The following CEP57L1 variants were observed in gnomAD, a reference collection of about 807,000 sequenced individuals.
CEP57L1 encodes the protein centrosomal protein 57 like 1.
In CEP57L1, 37 loss-of-function variants were observed where a neutral mutation model predicts 61.0. The observed-to-expected ratio is 0.61, with a 90% CI of 0.47 to 0.80. CEP57L1 has a LOEUF of 0.80. CEP57L1 is among the 30% of genes least tolerant of loss of function. The probability of loss-of-function intolerance (pLI) is 0.00; values close to 1 mark genes in which losing one functional copy is unlikely to be tolerated. For missense variants in CEP57L1, 422 were observed against 524.7 expected, an observed-to-expected ratio of 0.80 and a Z score of 1.91; for synonymous variants, 137 against 162.3, an observed-to-expected ratio of 0.84 and a Z score of 1.19.
chr6:109,148,121 T>C (rs1772164723), intron 3 of CEP57L1, among the ~76,000 whole-genome samples: 2 of 152,102 alleles, frequency 1.3e-5, no homozygotes, highest in Non-Finnish European at 2.9e-5. Context: ...TTTTATTTTA[T>C]TTTATTATTA....
chr6:109,100,803 A>G (rs2114548586), intron 1 of CEP57L1, among the ~76,000 whole-genome samples: 1 of 151,728 alleles, frequency 6.6e-6, no homozygotes, highest in Middle Eastern at 3.4e-3. Flanking sequence ...CAGAGTTCTT[A>G]TATTCATAAT....
Position 109,114,475 on chromosome 6 carries a change from C to A in CEP57L1, c.-4+18900C>A, listed in dbSNP as rs182374650. 9.9e-5 allele frequency among the ~76,000 whole-genome samples: 15 copies of A among 151,198 alleles called. No individual in the cohort carries two copies. The East Asian group carries it at 2.9e-3, about 29-fold the overall frequency. On this transcript the variant is annotated intron_variant, in intron 1 of 10. Coordinates refer to ENST00000517392, the MANE Select transcript of CEP57L1 (RefSeq NM_001271852.3). The stretch of plus-strand genomic sequence containing the variant: ...TGTTAGCCCCTCATGTATATAGAAA[C>A]AACAGAATACTGTTTAGCCTTTAAA...
Position 109,171,111 on chromosome 6 carries a change from T to TGGTTCTTTTAC in CEP57L1, c.*8141_*8142insGGTTCTTTTAC, listed in dbSNP as rs1562166044. 6.6e-5 allele frequency among the ~76,000 whole-genome samples: 10 copies of TGGTTCTTTTAC among 152,124 alleles called. No individual in the cohort carries two copies. The highest frequency in any genetic ancestry group is 2.2e-4 in the African/African-American group (9 of 41,394). ...CCAAAATTTCAAACAGGTTCTTTTT[T>TGGTTCTTTTAC]CTTTGTTCTTTTACAGAATGGCTCT... On this transcript the variant is annotated 3_prime_UTR_variant, in exon 11 of 11. Coordinates refer to ENST00000517392, the MANE Select transcript of CEP57L1 (RefSeq NM_001271852.3).
intron 6 of CEP57L1, 51 bp from the exon 7 acceptor site, chr6:109,155,740 G>A: frequency 1.1e-6 from 1 of 921,688 alleles, no homozygotes; most frequent in Non-Finnish European, 1.7e-6. Context: ...TCATTACAGT[G>A]TTTTTGCATG....
In CEP57L1 at chr6:109,173,581, C is replaced by T. The variant is rs1774502540; in HGVS notation, c.*10611C>T. 6.7e-6 allele frequency among the ~76,000 whole-genome samples: 1 copy of T among 149,216 alleles called. No individual in the cohort carries two copies. The highest frequency in any genetic ancestry group is 2.5e-5 in the African/African-American group (1 of 40,476). ...CTGGGACTACAGGTGCATGCCACCA[C>T]ACCTGGCTAATTAAAAAAAAAAAAA... is the stretch of plus-strand genomic sequence containing the variant. On this transcript the variant is annotated 3_prime_UTR_variant, in exon 11 of 11. Coordinates refer to ENST00000517392, the MANE Select transcript of CEP57L1 (RefSeq NM_001271852.3).
At position 109,140,069 on chromosome 6, in the gene CEP57L1, T is replaced by C. The variant is rs1771179308; in HGVS notation, c.-3-5150T>C. ...TGAATCTGGATATAACTGCTTTTCA[T>C]TGATTATTACTAAGATTTATTTATT... On this transcript the variant is annotated intron_variant, in intron 1 of 10. Transcript: ENST00000517392. 2.6e-5 allele frequency among the ~76,000 whole-genome samples: 4 copies of C among 152,180 alleles called. No individual in the cohort carries two copies. The East Asian group carries it at 7.7e-4, about 29-fold the overall frequency.
At chr6:109,109,256 G>T (rs559730760) in intron 1 of CEP57L1, among the ~76,000 whole-genome samples, 2 of 152,200 alleles carry the variant, frequency 1.3e-5, no homozygotes, top group South Asian at 4.1e-4. Context: ...GGTTTCTGTT[G>T]TACATAAATT....
intron 1 of CEP57L1, among the ~76,000 whole-genome samples, chr6:109,112,269 G>A (rs984646126): frequency 5.9e-5 from 9 of 152,106 alleles, no homozygotes; most frequent in Non-Finnish European, 1.0e-4. Context: ...TATGTGCCCC[G>A]GAATTTATCC....
intron 1 of CEP57L1, among the ~76,000 whole-genome samples, chr6:109,139,177 G>C (rs1226740426): frequency 6.6e-6 from 1 of 152,242 alleles, no homozygotes; most frequent in East Asian, 1.9e-4. Context: ...AGCGTCTACA[G>C]TGTGGAAATG....
At chr6:109,099,580 G>T (rs1406455185) in intron 1 of CEP57L1, among the ~76,000 whole-genome samples, 1 of 151,624 alleles carries the variant, frequency 6.6e-6, no homozygotes, top group Non-Finnish European at 1.5e-5. Context: ...AGGAGTTTTT[G>T]CTCTTGTTGC....
chr6:109,127,035 G>A lies in CEP57L1; in HGVS notation c.-3-18184G>A, dbSNP rs141816344. On this transcript the variant is annotated intron_variant, in intron 1 of 10. Coordinates refer to ENST00000517392, the MANE Select transcript of CEP57L1 (RefSeq NM_001271852.3). Reference sequence around the variant, plus strand: ...ACAAAAATTAGCTGGGCACGGTGGCGCACGCCTGTAGTCTCAGTTACTTGG... The same window carrying A: ...ACAAAAATTAGCTGGGCACGGTGGCACACGCCTGTAGTCTCAGTTACTTGG... Among the ~76,000 whole-genome samples the A allele has an allele frequency of 8.5e-3, 1,299 of 152,108 alleles. 23 individuals carry two copies. Among genetic ancestry groups the A allele is most frequent in the African/African-American group, 0.029 (1,208 of 41,480 alleles).
chr6:109,136,009 A>G (rs1335862426), intron 1 of CEP57L1, among the ~76,000 whole-genome samples: 3 of 152,198 alleles, frequency 2.0e-5, no homozygotes, highest in African/African-American at 7.2e-5. Context: ...CAGTGTGGGG[A>G]TTCCTCAGGG....
At chr6:109,158,400 A>C in intron 7 of CEP57L1, 1 of 286,816 alleles carries the variant, frequency 3.5e-6, no homozygotes, top group South Asian at 3.1e-5. Flanking sequence ...AAAGCAGGAG[A>C]ATCGCTTGAG....
chr6:109,137,741 G>C (rs1373658207), intron 1 of CEP57L1, among the ~76,000 whole-genome samples: 1 of 152,182 alleles, frequency 6.6e-6, no homozygotes, highest in African/African-American at 2.4e-5. Flanking sequence ...AGGCATTATG[G>C]ATAGAGTGGG....
At chr6:109,148,738 A>G (rs565549510) in intron 3 of CEP57L1, among the ~76,000 whole-genome samples, 4,408 of 151,940 alleles carry the variant, frequency 0.029, 89 homozygotes, top group Middle Eastern at 0.048. Flanking sequence ...CCCACCAACA[A>G]TGTAAAAGTG....
At chr6:109,126,920 C>T (rs2114733605) in intron 1 of CEP57L1, among the ~76,000 whole-genome samples, 1 of 152,264 alleles carries the variant, frequency 6.6e-6, no homozygotes. Context: ...GTAATCCCAG[C>T]ACTTTGGGAG....
At chr6:109,100,672 C>CAAAAAAAA (rs539993641) in intron 1 of CEP57L1, among the ~76,000 whole-genome samples, 4 of 73,964 alleles carry the variant, frequency 5.4e-5, no homozygotes, top group East Asian at 4.6e-4. Context: ...GAGATTGTCT[C>CAAAAAAAA]AAAAAAAAAA....
At chr6:109,129,584 C>T in intron 1 of CEP57L1, 1 of 453,094 alleles carries the variant, frequency 2.2e-6, no homozygotes, top group East Asian at 7.0e-5. Context: ...TCTCTAGTTT[C>T]CAGCTCAATC....
chr6:109,128,996 C>T (rs769066976), intron 1 of CEP57L1, among the ~76,000 whole-genome samples: 5 of 151,972 alleles, frequency 3.3e-5, no homozygotes, highest in East Asian at 3.9e-4. Context: ...GTCAGGAGTT[C>T]GAGACCAGCC....
Sources: gnomAD v4.1 joint callset for allele counts (sites outside exome capture counted in the v4.1 genomes callset) on GRCh38, gnomAD v4.1.1 for gene constraint, MANE v1.5 for transcripts, NCBI Gene and HGNC (gene_info 2026-07-23, HGNC 2026-07-21) for gene names.